Variants in ZNF431 observed in about 807,000 individuals in gnomAD.
The protein encoded by ZNF431 is zinc finger protein 431.
A neutral mutation model predicts 57.0 loss-of-function variants in ZNF431; 34 were observed. The ratio of observed to expected loss-of-function variants is 0.60; its 90% CI spans 0.45 to 0.79. The LOEUF is 0.79. ZNF431 is among the 30% of genes least tolerant of loss of function. The probability of loss-of-function intolerance (pLI) is 0.00; values close to 1 mark genes in which losing one functional copy is unlikely to be tolerated. For synonymous variants in ZNF431, 207 were observed against 220.3 expected, an observed-to-expected ratio of 0.94 and a Z score of 0.54; for missense variants, 607 against 667.1, an observed-to-expected ratio of 0.91 and a Z score of 0.99.
chr19:21,192,404 G>A lies in ZNF431; in HGVS notation c.*8370G>A, dbSNP rs1971527320. On this transcript the variant is annotated 3_prime_UTR_variant, in exon 5 of 5. Coordinates refer to ENST00000311048, the MANE Select transcript of ZNF431 (RefSeq NM_133473.4). The stretch of plus-strand genomic sequence containing the variant: ...ACTGGTCTTGAACTCCTGACCTTGT[G>A]ATCCGCCCACCTCGGCCTCCCAAAG... 2.6e-5 allele frequency: 4 copies of A among 152,162 alleles called. No homozygotes were observed. Among genetic ancestry groups the A allele is most frequent in the Non-Finnish European group, 5.9e-5 (4 of 68,068 alleles). The allele number at this position is 152,162 out of a possible 1,614,324, so 9.4% of individuals were successfully genotyped here. A position where few individuals can be genotyped will look rare whatever the true frequency, so the allele number is the denominator to read the frequency against.
chr19:21,187,448 AAAAAAAAG>A lies in ZNF431; in HGVS notation c.*3416_*3423del, dbSNP rs981363727. 8 of 135,318 alleles carry A rather than the reference AAAAAAAAG, an allele frequency of 5.9e-5. No individual in the cohort carries two copies. The highest frequency in any genetic ancestry group is 1.6e-4 in the Admixed American group (2 of 12,620). The allele number at this position is 135,318 out of a possible 1,614,324, so 8.4% of individuals were successfully genotyped here. On this transcript the variant is annotated 3_prime_UTR_variant, in exon 5 of 5. Transcript: ENST00000311048. ...AGACTCCATATAAAAAAAAAAAAAA[AAAAAAAAG>A]AGCTGGGCGTGGTGGCTCACGCCTG... is the stretch of plus-strand genomic sequence containing the variant.
intron 2 of ZNF431, chr19:21,162,603 C>T (rs1833549851): frequency 2.1e-6 from 1 of 486,950 alleles, no homozygotes; most frequent in Non-Finnish European, 2.7e-6. Context: ...CCACACCCGA[C>T]CAGATTCACC....
At chr19:21,143,480 A>G in intron 1 of ZNF431, 71 bp from the exon 2 acceptor site, 2 of 1,227,472 alleles carry the variant, frequency 1.6e-6, no homozygotes, top group South Asian at 2.4e-5. Context: ...GGATGAACTA[A>G]GATATCCACC....
intron 2 of ZNF431, chr19:21,150,547 A>G (rs1165174663): frequency 5.8e-6 from 1 of 173,786 alleles, no homozygotes; most frequent in Non-Finnish European, 1.2e-5. Flanking sequence ...CTAAAAAGTA[A>G]ACAGAGCTGG....
intron 2 of ZNF431, among the ~76,000 whole-genome samples, chr19:21,164,857 TC>T (rs2144988283): frequency 6.6e-6 from 1 of 152,134 alleles, no homozygotes; most frequent in African/African-American, 2.4e-5. Flanking sequence ...ATGCCTTTAA[TC>T]CCAGGATTTT....
In ZNF431 at chr19:21,189,245, G is replaced by A. The variant is rs952721280; in HGVS notation, c.*5211G>A. On this transcript the variant is annotated 3_prime_UTR_variant, in exon 5 of 5. Coordinates refer to ENST00000311048, the MANE Select transcript of ZNF431 (RefSeq NM_133473.4). ...CATGCTTGTAATCCCAGCAATTTGG[G>A]AGGCCGAGGCAGGCAGATCACATGA... 1 of 152,134 alleles carries A rather than the reference G, an allele frequency of 6.6e-6. No homozygotes were observed. The highest frequency in any genetic ancestry group is 1.5e-5 in the Non-Finnish European group (1 of 68,052). The allele number at this position is 152,134 out of a possible 1,614,324, so 9.4% of individuals were successfully genotyped here.
chr19:21,145,542 G>A (rs1014893523), intron 2 of ZNF431, among the ~76,000 whole-genome samples: 30 of 152,088 alleles, frequency 2.0e-4, no homozygotes, highest in African/African-American at 5.6e-4. Flanking sequence ...CCCTGCAGAT[G>A]TCCCAGTCTG....
chr19:21,172,102 TTC>T (rs2145013741), intron 4 of ZNF431, among the ~76,000 whole-genome samples: 1 of 143,484 alleles, frequency 7.0e-6, no homozygotes, highest in African/African-American at 2.6e-5. Flanking sequence ...CTGTATTTTT[TTC>T]TGTTTTTCCT....
At chr19:21,147,956 G>A (rs1003590397) in intron 2 of ZNF431, among the ~76,000 whole-genome samples, 11 of 151,472 alleles carry the variant, frequency 7.3e-5, no homozygotes, top group African/African-American at 2.7e-4. Flanking sequence ...TTTTATATTT[G>A]TGTATGATTT....
rs1201400357 is a variant in ZNF431 at position 21,193,398 on chromosome 19, A to G, written c.*9364A>G. 1 of 152,148 alleles carries G rather than the reference A, an allele frequency of 6.6e-6. No individual in the cohort carries two copies. The highest frequency in any genetic ancestry group is 1.5e-5 in the Non-Finnish European group (1 of 68,050). The allele number at this position is 152,148 out of a possible 1,614,324, so 9.4% of individuals were successfully genotyped here. A position where few individuals can be genotyped will look rare whatever the true frequency, so the allele number is the denominator to read the frequency against. On this transcript the variant is annotated 3_prime_UTR_variant, in exon 5 of 5. Transcript: ENST00000311048. ...CAAAATTAGCCAGGCGTGGTGGCAT[A>G]TGTCTGTAATCCCAGCTACTCGGGA...
intron 2 of ZNF431, among the ~76,000 whole-genome samples, chr19:21,161,401 G>A (rs906763251): frequency 6.6e-6 from 1 of 151,996 alleles, no homozygotes; most frequent in Non-Finnish European, 1.5e-5. Context: ...TATTATTCGT[G>A]TTTCTTTTAC....
At chr19:21,178,817 G>GTGT (rs1555711093) in intron 4 of ZNF431, among the ~76,000 whole-genome samples, 18 of 150,422 alleles carry the variant, frequency 1.2e-4, no homozygotes, top group South Asian at 1.0e-3. Flanking sequence ...GTGTGTGTGT[G>GTGT]TGTTGTTGTT....
chr19:21,183,555 C>T lies in ZNF431; in HGVS notation c.1252C>T (p.His418Tyr). The T allele has an allele frequency of 6.2e-7, 1 of 1,613,468 alleles. No individual in the cohort carries two copies. Among genetic ancestry groups the T allele is most frequent in the Non-Finnish European group, 8.5e-7 (1 of 1,179,942 alleles). ...TAATGAGTCCTCAAACCTTACTACA[C>T]ATAAGATGATTCATACTGGAGAGAA... ...AFNESSNLTT[H>Y]KMIHTGEKPY... is the part of the protein sequence containing the mutation. The change falls in exon 5 of 5, where the codon CAT (histidine) becomes TAT (tyrosine). Residue 418 changes from histidine (H) to tyrosine (Y), a missense_variant. By Grantham distance (83) the His-to-Tyr change is moderately conservative. Coordinates refer to ENST00000311048, the MANE Select transcript of ZNF431 (RefSeq NM_133473.4).
chr19:21,142,350 C>T (rs531809281), intron 1 of ZNF431, among the ~76,000 whole-genome samples, 164 bp downstream of exon 1: 7 of 152,322 alleles, frequency 4.6e-5, no homozygotes, highest in South Asian at 4.1e-4. Context: ...CATAAGATGG[C>T]GGCTGTGCTG....
rs1302013304 is a variant in ZNF431, at chr19:21,193,088, C to A, written c.*9054C>A. On this transcript the variant is annotated 3_prime_UTR_variant, in exon 5 of 5. Transcript: ENST00000311048. ...GAAATTGAATTAATAATTTAAAAAA[C>A]CTACCAACTATAAGGAGCCCTGGAT... 6.6e-6 allele frequency: 1 copy of A among 152,062 alleles called. No individual in the cohort carries two copies. The highest frequency in any genetic ancestry group is 1.5e-5 in the Non-Finnish European group (1 of 68,010). The allele number at this position is 152,062 out of a possible 1,614,324, so 9.4% of individuals were successfully genotyped here. A position where few individuals can be genotyped will look rare whatever the true frequency, so the allele number is the denominator to read the frequency against.
Position 21,194,588 on chromosome 19 carries a change from C to G in ZNF431, c.*10554C>G, listed in dbSNP as rs1269857991. On this transcript the variant is annotated 3_prime_UTR_variant, in exon 5 of 5. Coordinates refer to ENST00000311048, the MANE Select transcript of ZNF431 (RefSeq NM_133473.4). ...GGTTCAAGTGAGTCTCCTACCTCAGCCTCCCAAGTAGCTGGGATTACAGGT... is the reference window on the plus strand; with the variant it reads ...GGTTCAAGTGAGTCTCCTACCTCAGGCTCCCAAGTAGCTGGGATTACAGGT... 6.6e-6 allele frequency: 1 copy of G among 152,038 alleles called. No homozygotes were observed. Among genetic ancestry groups the G allele is most frequent in the Non-Finnish European group, 1.5e-5 (1 of 68,076 alleles). The allele number at this position is 152,038 out of a possible 1,614,324, so 9.4% of individuals were successfully genotyped here. A position where few individuals can be genotyped will look rare whatever the true frequency, so the allele number is the denominator to read the frequency against.
Position 21,194,268 on chromosome 19 carries a change from A to G in ZNF431, c.*10234A>G, listed in dbSNP as rs1261328355. 6.6e-6 allele frequency: 1 copy of G among 152,206 alleles called. No individual in the cohort carries two copies. Among genetic ancestry groups the G allele is most frequent in the Admixed American group, 6.5e-5 (1 of 15,274 alleles). 9.4% of individuals were successfully genotyped at this position (152,206 alleles called of 1,614,324 possible). Reference sequence around the variant, plus strand: ...AGTTTTCTTTACAATAGCCATAAACAAAAAATAATATACTTAGAAATACAT... The same window carrying G: ...AGTTTTCTTTACAATAGCCATAAACGAAAAATAATATACTTAGAAATACAT... On this transcript the variant is annotated 3_prime_UTR_variant, in exon 5 of 5. Transcript: ENST00000311048.
chr19:21,178,845 T>A (rs758428472), intron 4 of ZNF431, among the ~76,000 whole-genome samples: 2 of 151,966 alleles, frequency 1.3e-5, no homozygotes, highest in African/African-American at 4.8e-5. Flanking sequence ...TATTTTGTTA[T>A]ATCTCTGCCA....
intron 2 of ZNF431, among the ~76,000 whole-genome samples, chr19:21,158,139 A>T (rs1970471904): frequency 6.6e-6 from 1 of 152,094 alleles, no homozygotes; most frequent in Non-Finnish European, 1.5e-5. Flanking sequence ...CCATTTTAAT[A>T]ATATTGATCT....
Sources: gnomAD v4.1 joint callset for allele counts (sites outside exome capture counted in the v4.1 genomes callset) on GRCh38, gnomAD v4.1.1 for gene constraint, MANE v1.5 for transcripts, NCBI Gene and HGNC (gene_info 2026-07-23, HGNC 2026-07-21) for gene names.